The following EFNA5 variants were observed in gnomAD, a reference collection of about 807,000 sequenced individuals.
EFNA5 encodes the protein ephrin-A5.
Under a neutral mutation model 22.9 loss-of-function variants are expected in EFNA5, and 5 were observed. The ratio of observed to expected loss-of-function variants is 0.22; its 90% CI spans 0.11 to 0.46. The LOEUF (loss-of-function observed/expected upper bound fraction) is 0.46, where lower values mean the gene tolerates loss of function less well. Among genes scored for constraint, EFNA5 ranks in the 20% least tolerant of loss-of-function variants. The pLI, the probability that EFNA5 is intolerant of heterozygous loss-of-function variation, is 0.99. For synonymous variants in EFNA5, 113 were observed against 112.2 expected (o/e 1.01, Z -0.04); for missense variants, 237 against 293.3 (o/e 0.81, Z 1.40).
chr5:107,461,653 T>C lies in EFNA5; in HGVS notation c.126-34144A>G, dbSNP rs77921098. On this transcript the variant is annotated intron_variant, in intron 1 of 4. Coordinates refer to ENST00000333274, the MANE Select transcript of EFNA5 (RefSeq NM_001962.3). ...TGCTTCTGTAGGTCAAAAGTGTTAATTTTATGTGAGAATAGCAAAAGATCC... is the reference window on the plus strand; with the variant it reads ...TGCTTCTGTAGGTCAAAAGTGTTAACTTTATGTGAGAATAGCAAAAGATCC... Among the ~76,000 whole-genome samples the C allele has an allele frequency of 6.2e-4, 95 of 152,252 alleles. No homozygotes were observed. The East Asian group carries it at 0.017, about 27-fold the overall frequency.
intron 1 of EFNA5, among the ~76,000 whole-genome samples, chr5:107,501,551 C>G (rs996420525): frequency 2.0e-5 from 3 of 152,212 alleles, no homozygotes; most frequent in African/African-American, 7.2e-5. Flanking sequence ...CTATTTTTCT[C>G]ATTCAACATT....
rs1486650016 is a variant in EFNA5, at chr5:107,400,631, G to C, written c.419-12860C>G. On this transcript the variant is annotated intron_variant, in intron 2 of 4. Transcript: ENST00000333274. The stretch of plus-strand genomic sequence containing the variant: ...TTTCTAAAATCTAACATAGTGCTTG[G>C]CACAAAGGAGGTACCCAAGAAACAC... Among the ~76,000 whole-genome samples the C allele has an allele frequency of 2.0e-5, 3 of 152,180 alleles. No individual in the cohort carries two copies. The East Asian group carries it at 5.8e-4, about 29-fold the overall frequency.
At chr5:107,592,276 C>A in intron 1 of EFNA5, among the ~76,000 whole-genome samples, 1 of 149,646 alleles carries the variant, frequency 6.7e-6, no homozygotes, top group East Asian at 2.0e-4. Context: ...AATAGATTTC[C>A]AACATTTAAA....
At chr5:107,446,180 T>C (rs1177715257) in intron 1 of EFNA5, among the ~76,000 whole-genome samples, 1 of 152,128 alleles carries the variant, frequency 6.6e-6, no homozygotes, top group Non-Finnish European at 1.5e-5. Context: ...AATGAACAAA[T>C]AAATGATGAC....
chr5:107,502,688 CT>C (rs1747162748), intron 1 of EFNA5, among the ~76,000 whole-genome samples: 1 of 152,184 alleles, frequency 6.6e-6, no homozygotes, highest in African/African-American at 2.4e-5. Context: ...TTCTAAATTC[CT>C]TTCCATCAAA....
intron 1 of EFNA5, among the ~76,000 whole-genome samples, chr5:107,486,970 A>G (rs1247283275): frequency 2.0e-5 from 3 of 152,112 alleles, no homozygotes; most frequent in African/African-American, 7.2e-5. Context: ...AATACTCCAC[A>G]TTGCTGCTAG....
intron 1 of EFNA5, among the ~76,000 whole-genome samples, chr5:107,549,004 G>A (rs2112466941): frequency 6.6e-6 from 1 of 152,248 alleles, no homozygotes; most frequent in South Asian, 2.1e-4. Context: ...AATTACAATT[G>A]TGTAATTGAT....
Position 107,654,348 on chromosome 5 carries a change from C to CT in EFNA5, c.125+16140dup, listed in dbSNP as rs570117160. ...TTTTGTATTTGCCAGTGGGTTTAAACTTTTTTTTTAAAGGTCAATTGCCAT... is the reference window on the plus strand; with the variant it reads ...TTTTGTATTTGCCAGTGGGTTTAAACTTTTTTTTTTAAAGGTCAATTGCCAT... On this transcript the variant is annotated intron_variant, in intron 1 of 4. Transcript: ENST00000333274. Among the ~76,000 whole-genome samples the CT allele has an allele frequency of 1.9e-3, 291 of 151,454 alleles. 3 individuals are homozygous for CT. The highest frequency in any genetic ancestry group is 6.9e-3 in the African/African-American group (285 of 41,286).
intron 2 of EFNA5, among the ~76,000 whole-genome samples, chr5:107,412,607 C>A (rs563031772): frequency 1.7e-4 from 26 of 152,146 alleles, no homozygotes; most frequent in African/African-American, 5.8e-4. Context: ...GGAAAAAAAA[C>A]CAGGTGCACA....
intron 1 of EFNA5, 123 bp downstream of exon 1, chr5:107,670,366 G>T: frequency 7.8e-7 from 1 of 1,280,010 alleles, no homozygotes; most frequent in Non-Finnish European, 1.0e-6. Context: ...ATCAGCGCCC[G>T]GGCGACGCAG....
At chr5:107,667,455 T>A (rs17351074) in intron 1 of EFNA5, among the ~76,000 whole-genome samples, 2 of 152,162 alleles carry the variant, frequency 1.3e-5, no homozygotes, top group Non-Finnish European at 2.9e-5. Flanking sequence ...GTAATGAAAC[T>A]CCATGTAGAA....
chr5:107,576,628 T>C (rs2112491182), intron 1 of EFNA5, among the ~76,000 whole-genome samples: 1 of 152,332 alleles, frequency 6.6e-6, no homozygotes, highest in South Asian at 2.1e-4. Context: ...ACTTTATCAA[T>C]TACCACTGCT....
intron 1 of EFNA5, among the ~76,000 whole-genome samples, chr5:107,598,488 CTG>C (rs56706729): frequency 0.15 from 23,075 of 152,058 alleles, 4,413 homozygotes; most frequent in African/African-American, 0.46. Flanking sequence ...ACCACAGACT[CTG>C]TGCAAAACCA....
chr5:107,488,577 T>C (rs1243673906), intron 1 of EFNA5, among the ~76,000 whole-genome samples: 2 of 152,176 alleles, frequency 1.3e-5, no homozygotes, highest in Non-Finnish European at 2.9e-5. Context: ...ATCCCAAGTT[T>C]AAAAGAGCAC....
Position 107,377,980 on chromosome 5 carries a change from T to C in EFNA5, c.*3275A>G, listed in dbSNP as rs1747313603. ...AGATTGGGTGGGCAATGACCACACA[T>C]GAGTCCTGTATGGAGCAGTGTCTCA... On this transcript the variant is annotated 3_prime_UTR_variant, in exon 5 of 5. Coordinates refer to ENST00000333274, the MANE Select transcript of EFNA5 (RefSeq NM_001962.3). The C allele has an allele frequency of 6.6e-6, 1 of 152,176 alleles. No individual in the cohort carries two copies. The highest frequency in any genetic ancestry group is 2.1e-4 in the South Asian group (1 of 4,830). The allele number at this position is 152,176 out of a possible 1,614,324, so 9.4% of individuals were successfully genotyped here.
At chr5:107,604,871 AAT>A (rs1321417567) in intron 1 of EFNA5, among the ~76,000 whole-genome samples, 2 of 152,032 alleles carry the variant, frequency 1.3e-5, no homozygotes, top group Non-Finnish European at 2.9e-5. Flanking sequence ...CTTAGTGCTT[AAT>A]TGCGGGATGT....
At chr5:107,628,123 T>C (rs1750178256) in intron 1 of EFNA5, among the ~76,000 whole-genome samples, 1 of 152,202 alleles carries the variant, frequency 6.6e-6, no homozygotes, top group Non-Finnish European at 1.5e-5. Context: ...GGTATTGTTA[T>C]CATATCTATT....
chr5:107,601,017 C>G (rs1341643326), intron 1 of EFNA5, among the ~76,000 whole-genome samples: 3 of 152,066 alleles, frequency 2.0e-5, no homozygotes, highest in Non-Finnish European at 4.4e-5. Flanking sequence ...ACCTTCAAAC[C>G]TGGTAAATGT....
chr5:107,543,356 T>C (rs1748084784), intron 1 of EFNA5, among the ~76,000 whole-genome samples: 1 of 152,260 alleles, frequency 6.6e-6, no homozygotes. Context: ...CATTTCAATT[T>C]AAGTGACGTT....
Sources: gnomAD v4.1 joint callset for allele counts (sites outside exome capture counted in the v4.1 genomes callset) on GRCh38, gnomAD v4.1.1 for gene constraint, MANE v1.5 for transcripts, NCBI Gene and HGNC (gene_info 2026-07-23, HGNC 2026-07-21) for gene names.